Variants in LRBA observed in about 807,000 individuals in gnomAD.
The protein encoded by LRBA is lipopolysaccharide-responsive and beige-like anchor protein.
Under a neutral mutation model 330.0 loss-of-function variants are expected in LRBA, and 176 were observed. The observed-to-expected ratio is 0.53, with a 90% CI of 0.47 to 0.60. LRBA has a LOEUF of 0.60. Among genes scored for constraint, LRBA ranks in the 20% least tolerant of loss-of-function variants. LRBA has a pLI of 0.00. For synonymous variants in LRBA, 1,230 were observed against 1,193.0 expected (o/e 1.03, Z -0.64); for missense variants, 3,259 against 3,444.8 (o/e 0.95, Z 1.35).
At chr4:150,286,666 T>C (rs531787790) in intron 53 of LRBA, among the ~76,000 whole-genome samples, 2 of 151,734 alleles carry the variant, frequency 1.3e-5, no homozygotes, top group East Asian at 1.9e-4. Context: ...AGTCTACAGA[T>C]AGTGATTGAA....
chr4:150,908,702 G>C lies in LRBA; in HGVS notation c.1317C>G (p.Asn439Lys). 1 of 1,613,936 alleles carries C rather than the reference G, an allele frequency of 6.2e-7. No individual in the cohort carries two copies. Among genetic ancestry groups the C allele is most frequent in the South Asian group, 1.1e-5 (1 of 91,080 alleles). The change falls in exon 10 of 57, where the codon AAC becomes AAG. Residue 439 changes from asparagine (N) to lysine (K), a missense_variant. Asn to Lys is a moderately conservative substitution (Grantham distance 94). Transcript: ENST00000651943. ...GTGGTGAATGAACAAAAATTGAAGG[G>C]TTGTCCTTAGGAGATGATTCAAGAC... is the stretch of plus-strand genomic sequence containing the variant. ...QLCLESSPKDNPSIFVHSPHA... is the reference protein window; with the variant it reads ...QLCLESSPKDKPSIFVHSPHA...
intron 37 of LRBA, among the ~76,000 whole-genome samples, chr4:150,663,080 T>C (rs939529538): frequency 6.6e-6 from 1 of 152,228 alleles, no homozygotes; most frequent in Non-Finnish European, 1.5e-5. Context: ...CATTAACAAA[T>C]TATTCTGTTA....
chr4:150,974,880 A>C (rs2149592424), intron 2 of LRBA, among the ~76,000 whole-genome samples: 1 of 152,344 alleles, frequency 6.6e-6, no homozygotes, highest in East Asian at 1.9e-4. Context: ...AACCCAAAAA[A>C]AAAGCAAGGC....
At chr4:150,507,009 C>G (rs1761177143) in intron 40 of LRBA, among the ~76,000 whole-genome samples, 1 of 151,376 alleles carries the variant, frequency 6.6e-6, no homozygotes, top group African/African-American at 2.4e-5. Context: ...ACCTAGGAAT[C>G]CAACTTACAA....
intron 47 of LRBA, among the ~76,000 whole-genome samples, chr4:150,375,527 G>T (rs188822227): frequency 6.6e-6 from 1 of 151,680 alleles, no homozygotes; most frequent in Non-Finnish European, 1.5e-5. Flanking sequence ...GCATGATGTC[G>T]GCTCACTGCA....
intron 35 of LRBA, among the ~76,000 whole-genome samples, chr4:150,743,125 AC>A (rs1255353582): frequency 6.6e-6 from 1 of 151,732 alleles, no homozygotes; most frequent in African/African-American, 2.4e-5. Flanking sequence ...ATGAGTCACC[AC>A]CCCCGGCTAA....
chr4:150,746,627 C>T (rs1391427016), intron 35 of LRBA, among the ~76,000 whole-genome samples: 1 of 151,482 alleles, frequency 6.6e-6, no homozygotes, highest in Non-Finnish European at 1.5e-5. Flanking sequence ...TCTCCTGCCT[C>T]AGCCTCCAGA....
chr4:150,695,999 C>T (rs1016575121), intron 36 of LRBA, among the ~76,000 whole-genome samples: 1 of 151,952 alleles, frequency 6.6e-6, no homozygotes, highest in African/African-American at 2.4e-5. Flanking sequence ...AGGTCGAGGC[C>T]AGCAAATCCC....
Position 150,867,818 on chromosome 4 carries a change from G to C in LRBA, c.2619C>G (p.Leu873=), listed in dbSNP as rs185800710. 96 of 1,613,558 alleles carry C rather than the reference G, an allele frequency of 5.9e-5. No homozygotes were observed. In the Admixed American group the frequency reaches 1.3e-3, roughly 21 times the overall value. ...CTGAATTCTTAGGATTAAAATAGCA[G>C]AGAGAAAGCATCCATTCTTGCCACA... ...CSVWQEWMLS[L]CYFNPKNSDE... The change falls in exon 22 of 57, where the codon CTC becomes CTG. Residue 873 remains leucine, a synonymous_variant. Transcript: ENST00000651943.
chr4:150,698,964 G>GA (rs1561529037), intron 36 of LRBA, among the ~76,000 whole-genome samples: 3 of 152,142 alleles, frequency 2.0e-5, no homozygotes, highest in Admixed American at 1.3e-4. Context: ...TATGAAAACT[G>GA]AAAAATATTA....
At chr4:150,347,497 T>C (rs1384657684) in intron 48 of LRBA, among the ~76,000 whole-genome samples, 1 of 151,942 alleles carries the variant, frequency 6.6e-6, no homozygotes, top group Admixed American at 6.6e-5. Flanking sequence ...AATACAAAAA[T>C]TAGCCAGGCG....
At chr4:150,497,797 C>T (rs183612979) in intron 40 of LRBA, among the ~76,000 whole-genome samples, 10 of 152,300 alleles carry the variant, frequency 6.6e-5, no homozygotes, top group African/African-American at 2.2e-4. Flanking sequence ...CAAACACACA[C>T]ACTCTTATGT....
intron 22 of LRBA, among the ~76,000 whole-genome samples, chr4:150,854,189 G>T (rs935413423): frequency 6.6e-6 from 1 of 152,100 alleles, no homozygotes; most frequent in African/African-American, 2.4e-5. Context: ...TTCAGGGAAT[G>T]AATATTTTCC....
chr4:150,948,055 C>A (rs1464033289), intron 2 of LRBA, among the ~76,000 whole-genome samples: 1 of 151,930 alleles, frequency 6.6e-6, no homozygotes, highest in East Asian at 1.9e-4. Flanking sequence ...TCAATTCCTC[C>A]AAAACTGATA....
At chr4:150,867,924 A>G (rs1752936256) in intron 21 of LRBA, 61 bp from the exon 22 acceptor site, 3 of 1,375,860 alleles carry the variant, frequency 2.2e-6, no homozygotes, top group East Asian at 4.7e-5. Context: ...AAATAAATCT[A>G]AAGGTTTAAA....
chr4:150,465,679 T>C (rs1755357572), intron 44 of LRBA, among the ~76,000 whole-genome samples: 1 of 152,178 alleles, frequency 6.6e-6, no homozygotes, highest in African/African-American at 2.4e-5. Context: ...TCAGGTTCTT[T>C]ACCCATTTTT....
chr4:150,573,752 A>C (rs1268254139), intron 40 of LRBA, among the ~76,000 whole-genome samples: 1 of 152,224 alleles, frequency 6.6e-6, no homozygotes, highest in African/African-American at 2.4e-5. Context: ...AAAATAAAAG[A>C]TGTTAACACT....
chr4:151,001,840 C>T (rs1005072566), intron 2 of LRBA, among the ~76,000 whole-genome samples: 2 of 152,090 alleles, frequency 1.3e-5, no homozygotes, highest in South Asian at 4.1e-4. Flanking sequence ...TGCCCTAGAG[C>T]CCAAGGACAG....
intron 36 of LRBA, among the ~76,000 whole-genome samples, chr4:150,687,634 T>C (rs948648993): frequency 6.6e-6 from 1 of 152,218 alleles, no homozygotes; most frequent in East Asian, 1.9e-4. Flanking sequence ...AAACTCAATA[T>C]AGGATAAATA....
Sources: gnomAD v4.1 joint callset for allele counts (sites outside exome capture counted in the v4.1 genomes callset) on GRCh38, gnomAD v4.1.1 for gene constraint, MANE v1.5 for transcripts, NCBI Gene and HGNC (gene_info 2026-07-23, HGNC 2026-07-21) for gene names.